PIP5K1B: variants seen among roughly 807,000 people sequenced by gnomAD.
PIP5K1B encodes phosphatidylinositol 4-phosphate 5-kinase type-1 beta.
Under a neutral mutation model 67.0 loss-of-function variants are expected in PIP5K1B, and 42 were observed. That is an observed-to-expected ratio of 0.63 (90% CI 0.49 to 0.81). PIP5K1B has a LOEUF of 0.81. Ranked by LOEUF, PIP5K1B falls within the 30% of genes least tolerant of loss-of-function variation. The probability of loss-of-function intolerance (pLI) is 0.00; values close to 1 mark genes in which losing one functional copy is unlikely to be tolerated. For missense variants in PIP5K1B, 459 were observed against 646.3 expected (o/e 0.71, Z 3.14); for synonymous variants, 214 against 231.4 (o/e 0.92, Z 0.68).
chr9:68,967,762 C>A (rs1829112813), intron 14 of PIP5K1B, among the ~76,000 whole-genome samples: 1 of 152,134 alleles, frequency 6.6e-6, no homozygotes, highest in Admixed American at 6.5e-5. Context: ...GCCTGAGACT[C>A]ATGGACATAC....
intron 15 of PIP5K1B, among the ~76,000 whole-genome samples, chr9:68,995,163 G>T (rs1275486031): frequency 2.1e-5 from 3 of 143,006 alleles, no homozygotes; most frequent in Non-Finnish European, 3.0e-5. Context: ...TGAAAGAAAA[G>T]AAAGAAAAGA....
intron 2 of PIP5K1B, among the ~76,000 whole-genome samples, chr9:68,762,023 G>A (rs1830207486): frequency 6.6e-6 from 1 of 152,000 alleles, no homozygotes; most frequent in Non-Finnish European, 1.5e-5. Flanking sequence ...CTCTGAATTA[G>A]TTAATGGATG....
At chr9:68,885,497 A>T (rs1824422245) in intron 6 of PIP5K1B, among the ~76,000 whole-genome samples, 1 of 152,238 alleles carries the variant, frequency 6.6e-6, no homozygotes, top group African/African-American at 2.4e-5. Context: ...TGGATATGTT[A>T]GCCATCCTGA....
At chr9:68,870,023 C>A (rs1038101196) in intron 5 of PIP5K1B, among the ~76,000 whole-genome samples, 1 of 152,022 alleles carries the variant, frequency 6.6e-6, no homozygotes, top group Non-Finnish European at 1.5e-5. Context: ...CTTTGTTCAG[C>A]GTGTATTTGG....
chr9:68,809,573 C>T (rs777809755), intron 2 of PIP5K1B, among the ~76,000 whole-genome samples: 31 of 152,244 alleles, frequency 2.0e-4, no homozygotes, highest in Admixed American at 3.9e-4. Flanking sequence ...TCCTAAACCT[C>T]GGGCTACTTG....
At chr9:68,785,494 G>C (rs1383344844) in intron 2 of PIP5K1B, among the ~76,000 whole-genome samples, 3 of 152,072 alleles carry the variant, frequency 2.0e-5, no homozygotes, top group Non-Finnish European at 4.4e-5. Flanking sequence ...TGCCATCCAA[G>C]TAAAAAAATT....
At chr9:68,814,231 G>A (rs968758297) in intron 2 of PIP5K1B, among the ~76,000 whole-genome samples, 3 of 151,988 alleles carry the variant, frequency 2.0e-5, no homozygotes, top group Non-Finnish European at 2.9e-5. Flanking sequence ...CAAGCCGAGC[G>A]AAAAAATGGG....
At chr9:68,814,929 T>C (rs1334072871) in intron 2 of PIP5K1B, among the ~76,000 whole-genome samples, 1 of 152,210 alleles carries the variant, frequency 6.6e-6, no homozygotes, top group Non-Finnish European at 1.5e-5. Context: ...GAATCTGCAT[T>C]TTTCTCTTTT....
chr9:68,911,251 T>C (rs1200335137), intron 8 of PIP5K1B, among the ~76,000 whole-genome samples: 2 of 152,094 alleles, frequency 1.3e-5, no homozygotes, highest in Non-Finnish European at 2.9e-5. Flanking sequence ...CACACGCCTG[T>C]AATCCCAGCT....
chr9:68,906,153 G>A (rs1825600599), intron 8 of PIP5K1B, among the ~76,000 whole-genome samples: 1 of 152,086 alleles, frequency 6.6e-6, no homozygotes, highest in Non-Finnish European at 1.5e-5. Context: ...CAAGTAGCTG[G>A]GACTACAAGC....
intron 14 of PIP5K1B, among the ~76,000 whole-genome samples, chr9:68,956,194 G>A (rs1482036462): frequency 1.3e-5 from 2 of 152,210 alleles, no homozygotes; most frequent in Non-Finnish European, 2.9e-5. Flanking sequence ...CTATAGGCCG[G>A]GCAAGGTGGC....
intron 2 of PIP5K1B, among the ~76,000 whole-genome samples, chr9:68,746,141 C>T (rs1018058642): frequency 2.1e-5 from 3 of 140,664 alleles, no homozygotes; most frequent in African/African-American, 5.4e-5. Flanking sequence ...TGCAGTGGTG[C>T]GATCTCGGCT....
intron 2 of PIP5K1B, among the ~76,000 whole-genome samples, chr9:68,814,943 T>A (rs185686284): frequency 7.2e-5 from 11 of 152,356 alleles, no homozygotes. Flanking sequence ...CTCTTTTGTC[T>A]ATAGAAGGTT....
At chr9:68,764,716 A>C (rs1194209498) in intron 2 of PIP5K1B, among the ~76,000 whole-genome samples, 2 of 152,142 alleles carry the variant, frequency 1.3e-5, no homozygotes, top group African/African-American at 4.8e-5. Context: ...ATGCTAGCAA[A>C]GACAAAGAAT....
chr9:68,980,212 G>C (rs552857842), intron 14 of PIP5K1B, among the ~76,000 whole-genome samples: 1 of 152,300 alleles, frequency 6.6e-6, no homozygotes, highest in Non-Finnish European at 1.5e-5. Flanking sequence ...CCAACCAAAG[G>C]TGAGCTTTTT....
chr9:68,921,267 T>G (rs181691052), intron 11 of PIP5K1B, among the ~76,000 whole-genome samples: 7 of 151,770 alleles, frequency 4.6e-5, no homozygotes, highest in Admixed American at 2.0e-4. Context: ...TCAAGTCCAG[T>G]CTTGAATATA....
At chr9:68,915,190 C>G (rs953815133) in intron 8 of PIP5K1B, among the ~76,000 whole-genome samples, 1 of 152,124 alleles carries the variant, frequency 6.6e-6, no homozygotes, top group South Asian at 2.1e-4. Context: ...GTCACAGAGT[C>G]CATGCTCTTC....
intron 1 of PIP5K1B, among the ~76,000 whole-genome samples, chr9:68,725,956 T>G (rs1212706279): frequency 6.6e-6 from 1 of 152,236 alleles, no homozygotes; most frequent in East Asian, 1.9e-4. Flanking sequence ...GATTAGTGTT[T>G]TACTTGGTGC....
At chr9:68,843,692 G>A (rs1587542239) in intron 4 of PIP5K1B, among the ~76,000 whole-genome samples, 2 of 152,256 alleles carry the variant, frequency 1.3e-5, no homozygotes, top group East Asian at 3.9e-4. Context: ...ACTTAAATTC[G>A]GAGAGTGAGC....
Sources: gnomAD v4.1 joint callset for allele counts (sites outside exome capture counted in the v4.1 genomes callset) on GRCh38, gnomAD v4.1.1 for gene constraint, MANE v1.5 for transcripts, NCBI Gene and HGNC (gene_info 2026-07-23, HGNC 2026-07-21) for gene names.